The following PCDHAC1 variants were observed in gnomAD, a reference collection of about 807,000 sequenced individuals.
The protein encoded by PCDHAC1 is protocadherin alpha subfamily C, 1.
A neutral mutation model predicts 60.0 loss-of-function variants in PCDHAC1; 42 were observed. The ratio of observed to expected loss-of-function variants is 0.70; its 90% CI spans 0.55 to 0.90. The LOEUF (loss-of-function observed/expected upper bound fraction) is 0.90. PCDHAC1 is among the 40% of genes least tolerant of loss of function. The pLI is 0.00. For synonymous variants in PCDHAC1, 468 were observed against 499.3 expected (o/e 0.94, Z 0.84); for missense variants, 1,160 against 1,222.3 (o/e 0.95, Z 0.76).
rs1554217734 is a variant in PCDHAC1, at chr5:140,946,611, A to AATATATATATATATAT, written c.2433+17292_2433+17307dup. Among the ~76,000 whole-genome samples, 269 of 86,770 alleles carry AATATATATATATATAT rather than the reference A, an allele frequency of 3.1e-3. 3 individuals carry two copies. The highest frequency in any genetic ancestry group is 0.011 in the Middle Eastern group (2 of 186). 56.9% of individuals were successfully genotyped at this position (86,770 alleles called of 152,430 possible). A position where few individuals can be genotyped will look rare whatever the true frequency, so the allele number is the denominator to read the frequency against. On this transcript the variant is annotated intron_variant, in intron 1 of 3. Coordinates refer to ENST00000253807, the MANE Select transcript of PCDHAC1 (RefSeq NM_018898.5). ...GGATGAATAGATAAAGAAAATGTGAAATATATATATATATATATATACAAT... is the reference window on the plus strand; with the variant it reads ...GGATGAATAGATAAAGAAAATGTGAAATATATATATATATATATATATATATATATATATATACAAT...
chr5:140,927,702 C>A lies in PCDHAC1; in HGVS notation c.810C>A (p.Tyr270Ter), dbSNP rs533775539. ...AAGGGTCCAATGGGGAAGTCCAGTACTCCCTAAGCAACAGCACGCAAGCAG... is the reference window on the plus strand; with the variant it reads ...AAGGGTCCAATGGGGAAGTCCAGTAATCCCTAAGCAACAGCACGCAAGCAG... ...PDEGSNGEVQ[Y>*]SLSNSTQAEL... The change falls in exon 1 of 4, where the codon TAC (tyrosine) becomes TAA (stop). Residue 270 changes from tyrosine (Y) to a stop codon, truncating the protein, a stop_gained. Coordinates refer to ENST00000253807, the MANE Select transcript of PCDHAC1 (RefSeq NM_018898.5). LOFTEE classifies it high-confidence loss of function. 6.8e-6 allele frequency: 11 copies of A among 1,614,092 alleles called. 1 individual carries two copies. The South Asian group carries it at 1.2e-4, about 18-fold the overall frequency.
At chr5:141,006,181 G>A (rs960173277) in intron 3 of PCDHAC1, among the ~76,000 whole-genome samples, 1 of 150,918 alleles carries the variant, frequency 6.6e-6, no homozygotes, top group Non-Finnish European at 1.5e-5. Flanking sequence ...TTTTAAAAGA[G>A]TTTGCTATAT....
Position 140,926,333 on chromosome 5 carries a change from C to G in PCDHAC1, c.-560C>G, listed in dbSNP as rs1244364456. 6.6e-6 allele frequency: 1 copy of G among 152,288 alleles called. No homozygotes were observed. Among genetic ancestry groups the G allele is most frequent in the Non-Finnish European group, 1.5e-5 (1 of 68,096 alleles). The allele number at this position is 152,288 out of a possible 1,614,324, so 9.4% of individuals were successfully genotyped here. ...GGAGAGGTGCGCCGGGGTCAGAGCGCCGGGACCCGACGCGCGGCTCCCAAA... is the reference window on the plus strand; with the variant it reads ...GGAGAGGTGCGCCGGGGTCAGAGCGGCGGGACCCGACGCGCGGCTCCCAAA... On this transcript the variant is annotated 5_prime_UTR_variant, in exon 1 of 4. Coordinates refer to ENST00000253807, the MANE Select transcript of PCDHAC1 (RefSeq NM_018898.5).
Position 140,928,622 on chromosome 5 carries a change from G to C in PCDHAC1, c.1730G>C (p.Gly577Ala). Residue 577 changes from glycine to alanine, a missense_variant, in exon 1 of 4, where the codon GGA becomes GCA. Physicochemically the swap from Gly to Ala is moderately conservative, Grantham distance 60. Coordinates refer to ENST00000253807, the MANE Select transcript of PCDHAC1 (RefSeq NM_018898.5). ...ATTGTGCCCCGCTCTGCCAGGACTG[G>C]ACACTTGGTCACAAAAGTGGTAGCA... The part of the protein sequence containing the change: ...VEIVPRSART[G>A]HLVTKVVAED... The C allele has an allele frequency of 6.2e-7, 1 of 1,614,226 alleles. No homozygotes were observed. Among genetic ancestry groups the C allele is most frequent in the South Asian group, 1.1e-5 (1 of 91,090 alleles).
At chr5:140,968,591 G>A (rs1289458266) in intron 1 of PCDHAC1, 3 of 1,614,098 alleles carry the variant, frequency 1.9e-6, no homozygotes, top group Non-Finnish European at 2.5e-6. Flanking sequence ...CAAAGTCATA[G>A]CTATGGACTC....
intron 1 of PCDHAC1, among the ~76,000 whole-genome samples, chr5:140,943,763 G>T (rs2093562574): frequency 6.6e-6 from 1 of 152,122 alleles, no homozygotes; most frequent in Admixed American, 6.5e-5. Context: ...GGAGATGTAG[G>T]AAAAAAACTA....
At chr5:140,982,660 T>C (rs2096994626) in intron 3 of PCDHAC1, 97 bp downstream of exon 3, 2 of 1,482,562 alleles carry the variant, frequency 1.3e-6, no homozygotes, top group South Asian at 2.7e-5. Context: ...CTCTTTTTCT[T>C]TTATATTTTT....
At chr5:140,978,499 T>A (rs1178288273) in intron 1 of PCDHAC1, among the ~76,000 whole-genome samples, 1 of 152,238 alleles carries the variant, frequency 6.6e-6, no homozygotes, top group African/African-American at 2.4e-5. Flanking sequence ...AGCAGCAGAT[T>A]GCAGTCCTCT....
intron 1 of PCDHAC1, among the ~76,000 whole-genome samples, chr5:140,934,142 T>C (rs1359446492): frequency 1.3e-5 from 2 of 152,170 alleles, no homozygotes; most frequent in African/African-American, 4.8e-5. Context: ...TTTCCTTCCT[T>C]ATATGTTTAT....
At chr5:141,004,919 T>A (rs144687292) in intron 3 of PCDHAC1, among the ~76,000 whole-genome samples, 2 of 152,264 alleles carry the variant, frequency 1.3e-5, no homozygotes, top group East Asian at 3.9e-4. Flanking sequence ...GGAAAAGGGT[T>A]TGGAAGAGAG....
At chr5:140,971,682 T>C (rs782404162) in intron 1 of PCDHAC1, among the ~76,000 whole-genome samples, 5 of 152,156 alleles carry the variant, frequency 3.3e-5, no homozygotes, top group Non-Finnish European at 4.4e-5. Flanking sequence ...AGTAAGGGAA[T>C]TTGTACTCAC....
chr5:140,933,833 A>G (rs944428844), intron 1 of PCDHAC1, among the ~76,000 whole-genome samples: 1 of 151,928 alleles, frequency 6.6e-6, no homozygotes, highest in East Asian at 1.9e-4. Flanking sequence ...TATTGCTCCT[A>G]TTTCATTCCT....
In PCDHAC1 at chr5:140,929,209, G is replaced by A. The variant is rs553616030; in HGVS notation, c.2317G>A (p.Gly773Arg). ...GSDNNSLLLR[G>R]EYNAADLRNL... Reference sequence around the variant, plus strand: ...TGATAATAACAGTTTGCTGTTGCGTGGGGAGTACAATGCTGCCGACCTGCG... The same window carrying A: ...TGATAATAACAGTTTGCTGTTGCGTAGGGAGTACAATGCTGCCGACCTGCG... Residue 773 changes from glycine (G) to arginine (R), a missense_variant, in exon 1 of 4, where the codon GGG (glycine) becomes AGG (arginine). This residue lies in a region of PCDHAC1 where 1,113 missense variants were observed against 1,163.7 expected (regional missense o/e 0.96). Transcript: ENST00000253807. 71 of 1,614,054 alleles carry A rather than the reference G, an allele frequency of 4.4e-5. 2 individuals carry two copies. The South Asian group carries it at 7.1e-4, about 16-fold the overall frequency.
At chr5:140,945,001 G>A (rs2093722890) in intron 1 of PCDHAC1, among the ~76,000 whole-genome samples, 1 of 151,990 alleles carries the variant, frequency 6.6e-6, no homozygotes, top group African/African-American at 2.4e-5. Context: ...ACGGTTGTGG[G>A]TCATGAATTA....
chr5:140,948,645 C>T (rs1468901970), intron 1 of PCDHAC1, among the ~76,000 whole-genome samples: 1 of 151,562 alleles, frequency 6.6e-6, no homozygotes. Flanking sequence ...CATCTTTTAA[C>T]GTCTGTATAA....
chr5:140,928,427 C>T lies in PCDHAC1; in HGVS notation c.1535C>T (p.Ser512Phe). The T allele has an allele frequency of 6.2e-7, 1 of 1,614,132 alleles. No individual in the cohort carries two copies. Residue 512 changes from serine to phenylalanine, a missense_variant, in exon 1 of 4, where the codon TCC (serine) becomes TTC (phenylalanine). This residue lies in a region of PCDHAC1 where 1,113 missense variants were observed against 1,163.7 expected (regional missense o/e 0.96). Coordinates refer to ENST00000253807, the MANE Select transcript of PCDHAC1 (RefSeq NM_018898.5). ...SSSGAITAKT[S>F]FDFEQLRGFH... is the part of the protein sequence containing the mutation. The stretch of plus-strand genomic sequence containing the variant: ...AGTGGGGCCATCACTGCCAAAACTT[C>T]CTTTGACTTTGAGCAGCTCAGGGGG...
chr5:140,946,031 G>A (rs1275615718), intron 1 of PCDHAC1, among the ~76,000 whole-genome samples: 2 of 151,984 alleles, frequency 1.3e-5, no homozygotes, highest in African/African-American at 2.4e-5. Flanking sequence ...AAGAAAACAA[G>A]AGTGAAGGGA....
chr5:141,000,421 A>ATATTTTT (rs1265241806), intron 3 of PCDHAC1, among the ~76,000 whole-genome samples: 1 of 27,968 alleles, frequency 3.6e-5, no homozygotes, highest in Non-Finnish European at 5.7e-5. Context: ...ATATATATAT[A>ATATTTTT]TTTTTTTTTT....
At chr5:140,940,593 A>G (rs2092648765) in intron 1 of PCDHAC1, among the ~76,000 whole-genome samples, 1 of 152,170 alleles carries the variant, frequency 6.6e-6, no homozygotes, top group Non-Finnish European at 1.5e-5. Flanking sequence ...GATTTCAGGC[A>G]TGAGCCGCTG....
Sources: allele counts gnomAD v4.1 joint callset (sites outside exome capture counted in the v4.1 genomes callset), GRCh38; gene constraint gnomAD v4.1.1; regional missense constraint gnomAD v4.1.1; transcripts MANE v1.5; gene names NCBI Gene and HGNC (gene_info 2026-07-23, HGNC 2026-07-21).